The following ABHD17C variants were observed in gnomAD, a reference collection of about 807,000 sequenced individuals.
ABHD17C encodes abhydrolase domain containing 17C, depalmitoylase, also known as alpha/beta hydrolase domain-containing protein 17C.
In ABHD17C, 11 loss-of-function variants were observed where a neutral mutation model predicts 27.9. The observed-to-expected ratio is 0.39, with a 90% confidence interval of 0.25 to 0.65. ABHD17C has a LOEUF of 0.65. Ranked by LOEUF, ABHD17C falls within the 30% of genes least tolerant of loss-of-function variation. The probability of loss-of-function intolerance (pLI) is 0.45; values close to 1 mark genes in which losing one functional copy is unlikely to be tolerated. For missense variants in ABHD17C, 280 were observed against 470.2 expected (o/e 0.60, Z 3.74); for synonymous variants, 233 against 209.1 (o/e 1.11, Z -0.98).
At chr15:80,719,077 G>A (rs1234650426) in intron 1 of ABHD17C, among the ~76,000 whole-genome samples, 1 of 152,162 alleles carries the variant, frequency 6.6e-6, no homozygotes, top group Non-Finnish European at 1.5e-5. Flanking sequence ...AGAAGACTTA[G>A]TAATAAATGA....
intron 1 of ABHD17C, among the ~76,000 whole-genome samples, chr15:80,736,198 ACCAATAGAAGTC>A (rs1377353136): frequency 6.6e-6 from 1 of 152,232 alleles, no homozygotes; most frequent in East Asian, 1.9e-4. Context: ...GGAATGAACA[ACCAATAGAAGTC>A]TGTTTGTGAA....
chr15:80,709,260 G>A (rs574855026), intron 1 of ABHD17C, among the ~76,000 whole-genome samples: 6 of 151,944 alleles, frequency 3.9e-5, no homozygotes, highest in Admixed American at 1.3e-4. Flanking sequence ...AGGCCGAGGC[G>A]GACAGACCAC....
At chr15:80,739,510 T>G (rs1422027731) in intron 1 of ABHD17C, among the ~76,000 whole-genome samples, 1 of 152,186 alleles carries the variant, frequency 6.6e-6, no homozygotes, top group Non-Finnish European at 1.5e-5. Flanking sequence ...CCCTCATGAA[T>G]GGCTTGGTGC....
chr15:80,705,949 G>C (rs1894642257), intron 1 of ABHD17C, among the ~76,000 whole-genome samples: 1 of 152,110 alleles, frequency 6.6e-6, no homozygotes, highest in Admixed American at 6.5e-5. Context: ...TTCCTGGTTT[G>C]CCCCTCCACT....
At chr15:80,715,731 T>G (rs1042323333) in intron 1 of ABHD17C, among the ~76,000 whole-genome samples, 5 of 152,208 alleles carry the variant, frequency 3.3e-5, no homozygotes, top group Non-Finnish European at 5.9e-5. Context: ...CACATGGCTG[T>G]TAAGTAGTGA....
In ABHD17C at chr15:80,754,157, CAAGAT is replaced by C; in HGVS notation, c.779_783del (p.Lys260IlefsTer2). 1.2e-6 allele frequency: 2 copies of C among 1,613,614 alleles called. No individual in the cohort carries two copies. Among genetic ancestry groups the C allele is most frequent in the Non-Finnish European group, 1.7e-6 (2 of 1,179,660 alleles). ...CCCCCTTTCTGTTTTGCAGCATTGA[CAAGAT>C]ATCTAAAGTCACCTCTCCTGTGTTG... On this transcript the variant is annotated frameshift_variant, in exon 3 of 3. Transcript: ENST00000258884. LOFTEE classifies it high-confidence loss of function.
Position 80,706,189 on chromosome 15 carries a change from C to T in ABHD17C, c.590+10170C>T, listed in dbSNP as rs1013808944. Among the ~76,000 whole-genome samples the T allele has an allele frequency of 2.0e-5, 3 of 152,334 alleles. No individual in the cohort carries two copies. The East Asian group carries it at 5.8e-4, about 29-fold the overall frequency. ...ATGAATGCTCCCATAATGCCTTGTA[C>T]CTCAGATTCATGTGGCTTTTTCACA... is the stretch of plus-strand genomic sequence containing the variant. On this transcript the variant is annotated intron_variant, in intron 1 of 2. Coordinates refer to ENST00000258884, the MANE Select transcript of ABHD17C (RefSeq NM_021214.2).
chr15:80,713,681 C>T (rs1461398713), intron 1 of ABHD17C, among the ~76,000 whole-genome samples: 17 of 151,834 alleles, frequency 1.1e-4, no homozygotes, highest in African/African-American at 2.7e-4. Flanking sequence ...TGGTGGCAGG[C>T]GCCTGTAATC....
At chr15:80,737,291 A>G (rs1225752723) in intron 1 of ABHD17C, among the ~76,000 whole-genome samples, 1 of 152,156 alleles carries the variant, frequency 6.6e-6, no homozygotes, top group Non-Finnish European at 1.5e-5. Flanking sequence ...TAAAAATGTT[A>G]ATGCTTGCAT....
At chr15:80,704,652 G>A (rs1197291549) in intron 1 of ABHD17C, 2 of 151,934 alleles carry the variant, frequency 1.3e-5, no homozygotes, top group Non-Finnish European at 2.9e-5. Context: ...GTGGCTGGGT[G>A]AGCATGTGGA....
chr15:80,727,477 T>C (rs1894997661), intron 1 of ABHD17C, among the ~76,000 whole-genome samples: 1 of 152,214 alleles, frequency 6.6e-6, no homozygotes, highest in African/African-American at 2.4e-5. Context: ...GAGCCACTCT[T>C]GATCCTTTGG....
In ABHD17C at chr15:80,695,322, C is replaced by G. The variant is rs1281529735; in HGVS notation, c.-108C>G. ...CCGCCGGGCGGGCGGGCTGCAGCCG[C>G]CCTCCGCGCTCGCCTGCCAGCTCCC... On this transcript the variant is annotated 5_prime_UTR_variant, in exon 1 of 3. Coordinates refer to ENST00000258884, the MANE Select transcript of ABHD17C (RefSeq NM_021214.2). This position sits in a 1 kb window ranked among gnomAD's most constrained non-coding sequence, Gnocchi z 4.3. 6 of 689,242 alleles carry G rather than the reference C, an allele frequency of 8.7e-6. No individual in the cohort carries two copies. Among genetic ancestry groups the G allele is most frequent in the Non-Finnish European group, 1.1e-5 (6 of 537,014 alleles). 42.7% of individuals were successfully genotyped at this position (689,242 alleles called of 1,614,324 possible).
chr15:80,725,756 CA>C (rs1398485414), intron 1 of ABHD17C, among the ~76,000 whole-genome samples: 1 of 152,134 alleles, frequency 6.6e-6, no homozygotes. Flanking sequence ...GTGATCCTCC[CA>C]CATTGGCCTC....
intron 1 of ABHD17C, among the ~76,000 whole-genome samples, chr15:80,718,404 C>T (rs918987375): frequency 3.0e-4 from 46 of 152,276 alleles, no homozygotes; most frequent in African/African-American, 1.0e-3. Context: ...ACAATCTCGG[C>T]TCACTGCAGC....
At chr15:80,743,353 T>C (rs1596072994) in intron 1 of ABHD17C, among the ~76,000 whole-genome samples, 1 of 152,080 alleles carries the variant, frequency 6.6e-6, no homozygotes, top group African/African-American at 2.4e-5. Flanking sequence ...ACCGGCTGTG[T>C]ATGTGTACTT....
intron 1 of ABHD17C, among the ~76,000 whole-genome samples, chr15:80,749,286 G>A (rs1895333892): frequency 6.6e-6 from 1 of 151,932 alleles, no homozygotes; most frequent in South Asian, 2.1e-4. Flanking sequence ...ATTGTTTTTT[G>A]CAAATGTTGT....
chr15:80,752,331 G>A (rs988068203), intron 2 of ABHD17C, among the ~76,000 whole-genome samples: 2 of 152,216 alleles, frequency 1.3e-5, no homozygotes, highest in Admixed American at 6.5e-5. Flanking sequence ...CATGGCTGAT[G>A]AGGTTTTGCA....
chr15:80,695,605 C>T lies in ABHD17C; in HGVS notation c.176C>T (p.Pro59Leu). 1 of 1,142,428 alleles carries T rather than the reference C, an allele frequency of 8.8e-7. No homozygotes were observed. Among genetic ancestry groups the T allele is most frequent in the Non-Finnish European group, 1.1e-6 (1 of 933,032 alleles). 70.8% of individuals were successfully genotyped at this position (1,142,428 alleles called of 1,614,324 possible). A position where few individuals can be genotyped will look rare whatever the true frequency, so the allele number is the denominator to read the frequency against. The change falls in exon 1 of 3, where the codon CCG (proline) becomes CTG (leucine). Residue 59 changes from proline to leucine, a missense_variant. Coordinates refer to ENST00000258884, the MANE Select transcript of ABHD17C (RefSeq NM_021214.2). The surrounding 1 kb of genome is among the most constrained non-coding windows in gnomAD (Gnocchi z 4.3). The part of the protein sequence containing the change: ...QRGAGASAPA[P>L]AQATAAAAAA... ...GGCGCCGGCGCGTCCGCCCCGGCCC[C>T]GGCCCAGGCTACCGCCGCCGCCGCC...
At chr15:80,716,955 C>T (rs1238549130) in intron 1 of ABHD17C, among the ~76,000 whole-genome samples, 3 of 152,116 alleles carry the variant, frequency 2.0e-5, no homozygotes, top group African/African-American at 7.2e-5. Context: ...TGGGTCTGTT[C>T]CCCCATGACC....
Sources: allele counts gnomAD v4.1 joint callset (sites outside exome capture counted in the v4.1 genomes callset), GRCh38; gene constraint gnomAD v4.1.1; non-coding constraint Gnocchi (gnomAD v3.1); transcripts MANE v1.5; gene names NCBI Gene and HGNC (gene_info 2026-07-23, HGNC 2026-07-21).